ARSG: variants seen among roughly 807,000 people sequenced by gnomAD.
ARSG encodes the protein ASG.
A neutral mutation model predicts 50.5 loss-of-function variants in ARSG; 37 were observed. The observed-to-expected ratio is 0.73, with a 90% confidence interval of 0.56 to 0.96. The LOEUF (loss-of-function observed/expected upper bound fraction) is 0.96, where lower values mean the gene tolerates loss of function less well. ARSG is among the 50% of genes least tolerant of loss of function. The pLI, the probability that ARSG is intolerant of heterozygous loss-of-function variation, is 0.00. For synonymous variants in ARSG, 225 were observed against 254.6 expected (o/e 0.88, Z 1.11); for missense variants, 629 against 675.3 (o/e 0.93, Z 0.76).
intron 1 of ARSG, among the ~76,000 whole-genome samples, chr17:68,263,739 A>G (rs1339336804): frequency 4.6e-5 from 7 of 152,198 alleles, no homozygotes; most frequent in African/African-American, 1.7e-4. Context: ...GATGAGCCAC[A>G]ACACCTGGCC....
chr17:68,259,178 C>T (rs1304526374), upstream of ARSG: 1 of 152,380 alleles, frequency 6.6e-6, no homozygotes, highest in East Asian at 1.9e-4. Context: ...GCGTCGCTGT[C>T]CCCGGCTGCG....
the ARSG span, among the ~76,000 whole-genome samples, chr17:68,451,652 A>G: frequency 1.3e-5 from 2 of 152,268 alleles, no homozygotes; most frequent in South Asian, 4.1e-4. Context: ...TCTGCTTCAG[A>G]ATTCTTCTTG....
At chr17:68,448,683 T>C in the ARSG span, among the ~76,000 whole-genome samples, 1 of 152,194 alleles carries the variant, frequency 6.6e-6, no homozygotes, top group Non-Finnish European at 1.5e-5. Context: ...TTACAGATCA[T>C]TTGCCTAAAC....
At chr17:68,282,540 T>C (rs1490412857) in intron 1 of ARSG, among the ~76,000 whole-genome samples, 1 of 151,548 alleles carries the variant, frequency 6.6e-6, no homozygotes, top group Non-Finnish European at 1.5e-5. Context: ...GGCTCACGCC[T>C]GTAATCCCAG....
intron 1 of ARSG, among the ~76,000 whole-genome samples, chr17:68,292,417 CAA>C (rs2076043104): frequency 6.6e-6 from 1 of 152,200 alleles, no homozygotes; most frequent in African/African-American, 2.4e-5. Flanking sequence ...CTCATGGGGA[CAA>C]AGCATGTGTC....
chr17:68,344,937 A>G (rs1177277850), intron 3 of ARSG, among the ~76,000 whole-genome samples: 1 of 152,162 alleles, frequency 6.6e-6, no homozygotes, highest in African/African-American at 2.4e-5. Flanking sequence ...ACTCTGGGTT[A>G]AAGAGCCTGA....
chr17:68,346,911 G>A (rs537967770), intron 3 of ARSG: 251 of 1,481,046 alleles, frequency 1.7e-4, no homozygotes, highest in Admixed American at 4.3e-4. Context: ...GTGGTTTCCC[G>A]TGTGAGTCTG....
At chr17:68,329,574 T>G (rs1023766242) in intron 2 of ARSG, among the ~76,000 whole-genome samples, 1 of 152,034 alleles carries the variant, frequency 6.6e-6, no homozygotes, top group Non-Finnish European at 1.5e-5. Flanking sequence ...TAAGAAAACT[T>G]TTGGTTCATT....
intron 1 of ARSG, chr17:68,270,996 G>A: frequency 6.2e-7 from 1 of 1,614,114 alleles, no homozygotes; most frequent in Middle Eastern, 1.6e-4. Context: ...AAAATATGCT[G>A]CATGACATTA....
At chr17:68,288,340 A>C (rs1221633091), upstream of ARSG, among the ~76,000 whole-genome samples, 1 of 152,124 alleles carries the variant, frequency 6.6e-6, no homozygotes, top group Admixed American at 6.5e-5. Context: ...CAGAAGGCCA[A>C]ACCTTCTGTC....
At chr17:68,445,071 C>G in the ARSG span, among the ~76,000 whole-genome samples, 394 of 152,154 alleles carry the variant, frequency 2.6e-3, 9 homozygotes, top group Non-Finnish European at 9.0e-4. Context: ...CATGCATGCA[C>G]CACCACACCT....
At chr17:68,262,752 T>A (rs1255284037) in intron 1 of ARSG, among the ~76,000 whole-genome samples, 2 of 152,106 alleles carry the variant, frequency 1.3e-5, no homozygotes, top group Non-Finnish European at 2.9e-5. Flanking sequence ...AGCAGTCAGC[T>A]CCTGGATATA....
chr17:68,426,143 C>T, downstream of ARSG: 1 of 1,612,184 alleles, frequency 6.2e-7, no homozygotes, highest in East Asian at 2.2e-5. Context: ...GGAATAACTT[C>T]TCCTCGCAGC....
chr17:68,283,392 G>A (rs1189076406), intron 1 of ARSG, among the ~76,000 whole-genome samples: 2 of 152,000 alleles, frequency 1.3e-5, no homozygotes, highest in African/African-American at 2.4e-5. Flanking sequence ...GTGGTGGCGG[G>A]CGCCTGTAGT....
At chr17:68,426,211 G>A, downstream of ARSG, 1 of 1,361,230 alleles carries the variant, frequency 7.3e-7, no homozygotes, top group South Asian at 1.1e-5. Context: ...ACAAGCACTG[G>A]GGATCTGCTT....
chr17:68,372,625 C>T (rs191886252), intron 8 of ARSG, among the ~76,000 whole-genome samples: 3 of 152,282 alleles, frequency 2.0e-5, no homozygotes, highest in Non-Finnish European at 2.9e-5. Context: ...ATGACCCAGT[C>T]GCCTTCCACC....
At chr17:68,441,597 G>A in the ARSG span, among the ~76,000 whole-genome samples, 1 of 152,174 alleles carries the variant, frequency 6.6e-6, no homozygotes. Context: ...GTGAGGACCT[G>A]GTCATGTCAC....
chr17:68,301,904 C>G (rs782647348), intron 1 of ARSG, among the ~76,000 whole-genome samples: 4 of 151,954 alleles, frequency 2.6e-5, no homozygotes, highest in Non-Finnish European at 5.9e-5. Flanking sequence ...TGTGTTTTCT[C>G]GATGAGATTG....
At chr17:68,426,252 G>GGGGGGGGGGGGT, downstream of ARSG, 3 of 828,186 alleles carry the variant, frequency 3.6e-6, no homozygotes, top group Non-Finnish European at 5.7e-6. Flanking sequence ...TGGGGAGCGG[G>GGGGGGGGGGGGT]GGCTCAAATA....
Sources: gnomAD v4.1 joint callset for allele counts (sites outside exome capture counted in the v4.1 genomes callset) on GRCh38, gnomAD v4.1.1 for gene constraint, MANE v1.5 for transcripts, NCBI Gene and HGNC (gene_info 2026-07-23, HGNC 2026-07-21) for gene names.